The following ERBB2 variants were observed in gnomAD, a reference collection of about 807,000 sequenced individuals.
The protein encoded by ERBB2 is receptor tyrosine-protein kinase erbB-2.
In ERBB2, 61 loss-of-function variants were observed where a neutral mutation model predicts 149.0. The ratio of observed to expected loss-of-function variants is 0.41; its 90% CI spans 0.33 to 0.51. ERBB2 has a LOEUF of 0.51. Among genes scored for constraint, ERBB2 ranks in the 20% least tolerant of loss-of-function variants. ERBB2 has a pLI of 0.25. For synonymous variants in ERBB2, 633 were observed against 678.8 expected, an observed-to-expected ratio of 0.93 and a Z score of 1.05; for missense variants, 1,205 against 1,655.1, an observed-to-expected ratio of 0.73 and a Z score of 4.72.
rs541854282 is a variant in ERBB2 at position 39,719,814 on chromosome 17, C to A, written c.1926C>A (p.Cys642Ter). The A allele has an allele frequency of 6.2e-7, 1 of 1,614,030 alleles. No homozygotes were observed. Among genetic ancestry groups the A allele is most frequent in the East Asian group, 2.2e-5 (1 of 44,896 alleles). The change falls in exon 16 of 27, where the codon TGC (cysteine) becomes TGA (stop). Residue 642 changes from cysteine to a stop codon, truncating the protein, a stop_gained. Transcript: ENST00000269571. LOFTEE classifies it high-confidence loss of function. Reference protein sequence around the residue: ...HSCVDLDDKGCPAEQRASPLT... With the variant: ...HSCVDLDDKG The stretch of plus-strand genomic sequence containing the variant: ...GTGTGGACCTGGATGACAAGGGCTG[C>A]CCCGCCGAGCAGAGAGCCAGGTTGG...
chr17:39,709,290 G>T (rs765791873), intron 3 of ERBB2, 28 bp from the exon 4 acceptor site: 12 of 1,613,428 alleles, frequency 7.4e-6, no homozygotes, highest in Non-Finnish European at 1.0e-5. Flanking sequence ...AAGGGGAAAG[G>T]GTCCTCTGAT....
At chr17:39,709,914 G>C (rs538532592) in intron 5 of ERBB2, 33 bp downstream of exon 5, 6 of 1,602,124 alleles carry the variant, frequency 3.7e-6, no homozygotes, top group Non-Finnish European at 5.1e-6. Context: ...GTCAGGGAAG[G>C]GGAGGGCTGG....
In ERBB2 at chr17:39,727,980, G is replaced by A. The variant is rs1335633462; in HGVS notation, c.3704G>A (p.Ser1235Asn). ...QDPPERGAPP[S>N]TFKGTPTAEN... ...CCACCAGAGCGGGGGGCTCCACCCA[G>A]CACCTTCAAAGGGACACCTACGGCA... The change falls in exon 27 of 27, where the codon AGC (serine) becomes AAC (asparagine). Residue 1235 changes from serine (S) to asparagine (N), a missense_variant. Around this residue, in one of 6 missense-constraint regions of ERBB2, gnomAD observed 312 missense variants for 343.8 expected, o/e 0.91. Coordinates refer to ENST00000269571, the MANE Select transcript of ERBB2 (RefSeq NM_004448.4). This position sits in a 1 kb window ranked among gnomAD's most constrained non-coding sequence, Gnocchi z 4.3. The A allele has an allele frequency of 1.7e-5, 28 of 1,613,224 alleles. No individual in the cohort carries two copies. The highest frequency in any genetic ancestry group is 2.4e-5 in the Non-Finnish European group (28 of 1,179,948).
chr17:39,706,325 G>A (rs1396221793), intron 1 of ERBB2, among the ~76,000 whole-genome samples: 1 of 152,214 alleles, frequency 6.6e-6, no homozygotes, highest in Non-Finnish European at 1.5e-5. Flanking sequence ...CTTCACCCTG[G>A]CCTGGGATCT....
chr17:39,690,691 C>T (rs2057676067), upstream of ERBB2, among the ~76,000 whole-genome samples: 1 of 152,192 alleles, frequency 6.6e-6, no homozygotes, highest in Non-Finnish European at 1.5e-5. Flanking sequence ...CCCTAGTTCT[C>T]CCCTGAGCCT....
upstream of ERBB2, among the ~76,000 whole-genome samples, chr17:39,694,299 A>ATG (rs1287942601): frequency 0.036 from 2,018 of 56,266 alleles, 184 homozygotes; most frequent in African/African-American, 0.1. Flanking sequence ...ACACATATAT[A>ATG]TGTGTATATA....
chr17:39,710,156 G>A lies in ERBB2; in HGVS notation c.714G>A (p.Glu238=), dbSNP rs1483523641. ...CACTGCCCACTGACTGCTGCCATGA[G>A]CAGTGTGCTGCCGGCTGCACGGGCC... is the stretch of plus-strand genomic sequence containing the variant. ...KGPLPTDCCH[E]QCAAGCTGPK... is the part of the protein sequence containing the mutation. Residue 238 remains glutamate (E), a synonymous_variant, in exon 6 of 27, where the codon GAG becomes GAA. Coordinates refer to ENST00000269571, the MANE Select transcript of ERBB2 (RefSeq NM_004448.4). The A allele has an allele frequency of 6.2e-7, 1 of 1,612,622 alleles. No homozygotes were observed.
At chr17:39,693,761 A>G (rs2057763010), upstream of ERBB2, among the ~76,000 whole-genome samples, 1 of 138,706 alleles carries the variant, frequency 7.2e-6, no homozygotes, top group Non-Finnish European at 1.5e-5. Flanking sequence ...CCATCTCGAA[A>G]ATAAAATAAT....
intron 4 of ERBB2, 115 bp from the exon 5 acceptor site, chr17:39,709,698 T>C: frequency 9.2e-7 from 1 of 1,089,416 alleles, no homozygotes; most frequent in Non-Finnish European, 1.4e-6. Context: ...GGTCCCTCCC[T>C]TGCTGTGCAG....
At position 39,725,832 on chromosome 17, in the gene ERBB2, G is replaced by A. The variant is rs766483219; in HGVS notation, c.2851G>A (p.Val951Ile). The A allele has an allele frequency of 2.5e-6, 4 of 1,613,866 alleles. No homozygotes were observed. Among genetic ancestry groups the A allele is most frequent in the Non-Finnish European group, 3.4e-6 (4 of 1,179,962 alleles). The change falls in exon 23 of 27, where the codon GTC becomes ATC. Residue 951 changes from valine to isoleucine, a missense_variant. By Grantham distance (29) the Val-to-Ile change is conservative (BLOSUM62 3). Around this residue, in one of 6 missense-constraint regions of ERBB2, gnomAD observed 63 missense variants for 74.2 expected, o/e 0.85. Transcript: ENST00000269571. The surrounding 1 kb of genome is among the most constrained non-coding windows in gnomAD (Gnocchi z 4.6). ...CCAGCCCCCCATCTGCACCATTGAT[G>A]TCTACATGATCATGGTCAAATGTGC... ...LPQPPICTIDVYMIMVKCWMI... is the reference protein window; with the variant it reads ...LPQPPICTIDIYMIMVKCWMI...
At position 39,723,734 on chromosome 17, in the gene ERBB2, T is replaced by G; in HGVS notation, c.2208+74T>G. ...CCTGGAGGGGTGTGGTCGGCAGTTC[T>G]GATGGGAGGGGCAAGAGCTGGAGGC... On this transcript the variant is annotated intron_variant, in intron 18 of 26. Transcript: ENST00000269571. The surrounding 1 kb of genome is among the most constrained non-coding windows in gnomAD (Gnocchi z 6.2). 1 of 1,555,724 alleles carries G rather than the reference T, an allele frequency of 6.4e-7. No homozygotes were observed.
In ERBB2 at chr17:39,728,386, G is replaced by A; in HGVS notation, c.*342G>A. 3.3e-6 allele frequency: 1 copy of A among 303,606 alleles called. No individual in the cohort carries two copies. The highest frequency in any genetic ancestry group is 4.9e-5 in the East Asian group (1 of 20,500). The allele number at this position is 303,606 out of a possible 1,614,324, so 18.8% of individuals were successfully genotyped here. A position where few individuals can be genotyped will look rare whatever the true frequency, so the allele number is the denominator to read the frequency against. Reference sequence around the variant, plus strand: ...TAGGGAAGCTGGCCTGAGAGGGGAAGCGGCCCTAAGGGAGTGTCTAAGAAC... The same window carrying A: ...TAGGGAAGCTGGCCTGAGAGGGGAAACGGCCCTAAGGGAGTGTCTAAGAAC... On this transcript the variant is annotated 3_prime_UTR_variant, in exon 27 of 27. Transcript: ENST00000269571.
In ERBB2 at chr17:39,723,267, C is replaced by T. The variant is rs2145798976; in HGVS notation, c.1947-52C>T. The stretch of plus-strand genomic sequence containing the variant: ...CATGTCCCCCGTGGGCCCCCTTTGT[C>T]CCTCCCACCCCAAACTAGCCCTCAA... On this transcript the variant is annotated intron_variant, in intron 16 of 26. Coordinates refer to ENST00000269571, the MANE Select transcript of ERBB2 (RefSeq NM_004448.4). This position sits in a 1 kb window ranked among gnomAD's most constrained non-coding sequence, Gnocchi z 6.2. 7.5e-7 allele frequency: 1 copy of T among 1,339,852 alleles called. No homozygotes were observed. The highest frequency in any genetic ancestry group is 1.0e-6 in the Non-Finnish European group (1 of 963,298). 83.0% of individuals were successfully genotyped at this position (1,339,852 alleles called of 1,614,324 possible).
Position 39,726,324 on chromosome 17 carries a change from C to T in ERBB2, c.2873-238C>T. ...ATCCAGCCTGGGTGACAGAGCGAAA[C>T]CTCATCTCAAAAAAATAAAAAAGCA... On this transcript the variant is annotated intron_variant, in intron 23 of 26. Transcript: ENST00000269571. This position sits in a 1 kb window ranked among gnomAD's most constrained non-coding sequence, Gnocchi z 5.1. 2 of 530,798 alleles carry T rather than the reference C, an allele frequency of 3.8e-6. No individual in the cohort carries two copies. Among genetic ancestry groups the T allele is most frequent in the Non-Finnish European group, 6.8e-6 (2 of 295,710 alleles). 32.9% of individuals were successfully genotyped at this position (530,798 alleles called of 1,614,324 possible). A position where few individuals can be genotyped will look rare whatever the true frequency, so the allele number is the denominator to read the frequency against.
At chr17:39,695,091 G>C (rs1286197408), upstream of ERBB2, 1 of 152,632 alleles carries the variant, frequency 6.6e-6, no homozygotes, top group Non-Finnish European at 1.5e-5. Flanking sequence ...GACAAACGCA[G>C]TGCAGCACAG....
chr17:39,710,285 C>A (rs2145512878), intron 6 of ERBB2, 55 bp from the exon 7 acceptor site: 2 of 1,612,812 alleles, frequency 1.2e-6, no homozygotes, highest in East Asian at 4.5e-5. Flanking sequence ...GCCCTATTGC[C>A]CCTGGCACAC....
chr17:39,727,645 C>T lies in ERBB2; in HGVS notation c.3413-44C>T, dbSNP rs767631630. ...GGGGCAGAGGGAGTGGCAGAGACAC[C>T]GGGGTTCCTTCCCCTAATGGGTCAC... On this transcript the variant is annotated intron_variant, in intron 26 of 26. Transcript: ENST00000269571. The surrounding 1 kb of genome is among the most constrained non-coding windows in gnomAD (Gnocchi z 4.3). 7.1e-6 allele frequency: 11 copies of T among 1,548,156 alleles called. No individual in the cohort carries two copies. Among genetic ancestry groups the T allele is most frequent in the Middle Eastern group, 3.5e-4 (2 of 5,778 alleles).
chr17:39,708,464 G>T lies in ERBB2; in HGVS notation c.369G>T (p.Leu123=). Residue 123 remains leucine, a synonymous_variant, in exon 3 of 27, where the codon CTG becomes CTT. Transcript: ENST00000269571. ...CCGTGCTAGACAATGGAGACCCGCT[G>T]AACAATACCACCCCTGTCACAGGGG... ...ALAVLDNGDP[L]NNTTPVTGAS... 6.2e-7 allele frequency: 1 copy of T among 1,614,196 alleles called. No homozygotes were observed. The highest frequency in any genetic ancestry group is 1.1e-5 in the South Asian group (1 of 91,084).
In ERBB2 at chr17:39,725,295, C is replaced by G. The variant is rs2059689455; in HGVS notation, c.2650-32C>G. The G allele has an allele frequency of 1.2e-6, 2 of 1,612,962 alleles. No individual in the cohort carries two copies. Among genetic ancestry groups the G allele is most frequent in the Admixed American group, 1.7e-5 (1 of 59,980 alleles). Reference sequence around the variant, plus strand: ...TGAGTGGCCACCTCCCCACAACACACAGTTGGAGGACTTCCTCTTCTGCCC... The same window carrying G: ...TGAGTGGCCACCTCCCCACAACACAGAGTTGGAGGACTTCCTCTTCTGCCC... On this transcript the variant is annotated intron_variant, in intron 21 of 26. Coordinates refer to ENST00000269571, the MANE Select transcript of ERBB2 (RefSeq NM_004448.4). The surrounding 1 kb of genome is among the most constrained non-coding windows in gnomAD (Gnocchi z 4.6).
Sources: gnomAD v4.1 joint callset for allele counts (sites outside exome capture counted in the v4.1 genomes callset) on GRCh38, gnomAD v4.1.1 for gene constraint, gnomAD v4.1.1 regional missense constraint, Gnocchi (gnomAD v3.1) non-coding constraint, MANE v1.5 for transcripts, NCBI Gene and HGNC (gene_info 2026-07-23, HGNC 2026-07-21) for gene names.